GAD2: variants seen among roughly 807,000 people sequenced by gnomAD.
GAD2 encodes glutamate decarboxylase 2.
A neutral mutation model predicts 80.1 loss-of-function variants in GAD2; 22 were observed. The observed-to-expected ratio is 0.27, with a 90% CI of 0.20 to 0.39. The LOEUF (loss-of-function observed/expected upper bound fraction) is 0.39, where lower values mean the gene tolerates loss of function less well. Ranked by LOEUF, GAD2 falls within the 10% of genes least tolerant of loss-of-function variation. The pLI is 1.00. For synonymous variants in GAD2, 274 were observed against 256.9 expected (o/e 1.07, Z -0.64); for missense variants, 624 against 738.4 (o/e 0.85, Z 1.80).
In GAD2 at chr10:26,241,043, A is replaced by G. The variant is rs1018117048; in HGVS notation, c.841-4878A>G. On this transcript the variant is annotated intron_variant, in intron 7 of 15. Transcript: ENST00000376261. ...GGCGACAGAGTGAGACTCCGTCTCAAAAAAGAAAAAAAAAAGAGAGAGTGA... is the reference window on the plus strand; with the variant it reads ...GGCGACAGAGTGAGACTCCGTCTCAGAAAAGAAAAAAAAAAGAGAGAGTGA... Among the ~76,000 whole-genome samples, 10 of 152,258 alleles carry G rather than the reference A, an allele frequency of 6.6e-5. No homozygotes were observed. In the South Asian group the frequency reaches 2.1e-3, roughly 32 times the overall value.
chr10:26,280,415 C>T (rs971627941), intron 11 of GAD2, among the ~76,000 whole-genome samples: 3 of 152,110 alleles, frequency 2.0e-5, no homozygotes, highest in African/African-American at 7.2e-5. Context: ...GTAAGATGAA[C>T]ACTGGTTTGG....
In GAD2 at chr10:26,217,841, G is replaced by T; in HGVS notation, c.137-1G>T. The stretch of plus-strand genomic sequence containing the variant: ...GGCCCGCGTTCGGTGTCCTTACCCA[G>T]CCCTGCTCTACGGAGACGCCGAGAA... On this transcript the variant is annotated splice_acceptor_variant, in intron 2 of 15. Coordinates refer to ENST00000376261, the MANE Select transcript of GAD2 (RefSeq NM_001134366.2). LOFTEE classifies it high-confidence loss of function. The surrounding 1 kb of genome is among the most constrained non-coding windows in gnomAD (Gnocchi z 4.9). The T allele has an allele frequency of 6.2e-7, 1 of 1,603,112 alleles. No individual in the cohort carries two copies. Among genetic ancestry groups the T allele is most frequent in the Non-Finnish European group, 8.5e-7 (1 of 1,174,796 alleles).
chr10:26,232,288 G>A (rs1472037018), intron 7 of GAD2, among the ~76,000 whole-genome samples: 1 of 152,060 alleles, frequency 6.6e-6, no homozygotes, highest in Non-Finnish European at 1.5e-5. Context: ...AAGTTAAAAT[G>A]AGTTTGGTCC....
chr10:26,263,989 C>T (rs1223023229), intron 8 of GAD2, among the ~76,000 whole-genome samples: 1 of 152,142 alleles, frequency 6.6e-6, no homozygotes, highest in East Asian at 1.9e-4. Context: ...TATCAGACAG[C>T]TCTAGATTTG....
rs934377409 is a variant in GAD2, at chr10:26,280,911, A to G, written c.1158-98A>G. On this transcript the variant is annotated intron_variant, in intron 11 of 15. Coordinates refer to ENST00000376261, the MANE Select transcript of GAD2 (RefSeq NM_001134366.2). ...ATAAATACATTTAGTGTCAATCTGG[A>G]GTCTGAGAAACAATACCAAGAAACT... 2.9e-5 allele frequency: 21 copies of G among 730,384 alleles called. 2 individuals are homozygous for G. In the South Asian group the frequency reaches 3.3e-4, roughly 12 times the overall value. The allele number at this position is 730,384 out of a possible 1,614,324, so 45.2% of individuals were successfully genotyped here. A position where few individuals can be genotyped will look rare whatever the true frequency, so the allele number is the denominator to read the frequency against.
chr10:26,263,533 TC>T (rs1204965870), intron 8 of GAD2, among the ~76,000 whole-genome samples: 9 of 152,230 alleles, frequency 5.9e-5, no homozygotes, highest in Non-Finnish European at 1.3e-4. Context: ...TTTTTACTGC[TC>T]CTGTGCAATT....
At chr10:26,278,536 A>G (rs1262350439) in intron 11 of GAD2, among the ~76,000 whole-genome samples, 7 of 152,148 alleles carry the variant, frequency 4.6e-5, no homozygotes, top group Non-Finnish European at 1.0e-4. Flanking sequence ...AACCCATACT[A>G]TCTGGCTCCT....
chr10:26,222,580 T>C (rs1199405762), intron 4 of GAD2, among the ~76,000 whole-genome samples: 2 of 151,934 alleles, frequency 1.3e-5, no homozygotes, highest in Non-Finnish European at 2.9e-5. Flanking sequence ...ATGGGTAAAC[T>C]GAGGGGGTCA....
intron 12 of GAD2, among the ~76,000 whole-genome samples, chr10:26,286,012 A>G (rs929777799): frequency 1.3e-5 from 2 of 152,228 alleles, no homozygotes; most frequent in Non-Finnish European, 2.9e-5. Context: ...GGGAACATTT[A>G]AATATAAATA....
intron 7 of GAD2, among the ~76,000 whole-genome samples, chr10:26,232,195 A>G (rs1169239805): frequency 6.6e-6 from 1 of 152,142 alleles, no homozygotes; most frequent in Non-Finnish European, 1.5e-5. Context: ...AAATAGTTAC[A>G]TGTTATTACA....
In GAD2 at chr10:26,302,089, G is replaced by A. The variant is rs1372840741; in HGVS notation, c.*1128G>A. The A allele has an allele frequency of 1.3e-5, 2 of 152,088 alleles. No homozygotes were observed. Among genetic ancestry groups the A allele is most frequent in the Non-Finnish European group, 2.9e-5 (2 of 68,024 alleles). 9.4% of individuals were successfully genotyped at this position (152,088 alleles called of 1,614,324 possible). The stretch of plus-strand genomic sequence containing the variant: ...TGGCCTTGGGAGAAGAGATCTCTGT[G>A]GGACAATAATGACATCATCCTGGCG... On this transcript the variant is annotated 3_prime_UTR_variant, in exon 16 of 16. Coordinates refer to ENST00000376261, the MANE Select transcript of GAD2 (RefSeq NM_001134366.2).
chr10:26,266,442 G>C (rs374932939), intron 8 of GAD2, among the ~76,000 whole-genome samples: 5 of 152,320 alleles, frequency 3.3e-5, no homozygotes, highest in East Asian at 1.9e-4. Context: ...CCCCCAAGGC[G>C]TCCATATTCA....
chr10:26,243,580 G>A (rs1159147688), intron 7 of GAD2, among the ~76,000 whole-genome samples: 1 of 152,212 alleles, frequency 6.6e-6, no homozygotes, highest in Non-Finnish European at 1.5e-5. Context: ...TACAACCATT[G>A]AGACACACAG....
chr10:26,264,312 C>CTTTTTTTTT (rs373732623), intron 8 of GAD2, among the ~76,000 whole-genome samples: 1 of 129,776 alleles, frequency 7.7e-6, no homozygotes, highest in Non-Finnish European at 1.6e-5. Flanking sequence ...AGATTTCAAG[C>CTTTTTTTTT]TTTTTTTTTT....
At chr10:26,293,716 G>A (rs1834244120) in intron 15 of GAD2, among the ~76,000 whole-genome samples, 3 of 152,190 alleles carry the variant, frequency 2.0e-5, no homozygotes. Context: ...CCAAGGTCAA[G>A]GCTACCCTGG....
intron 7 of GAD2, among the ~76,000 whole-genome samples, chr10:26,243,042 A>ACCC (rs8190665): frequency 3.0e-5 from 4 of 133,786 alleles, no homozygotes; most frequent in African/African-American, 1.1e-4. Context: ...TGCACAAAAA[A>ACCC]CCCCCCCCCT....
chr10:26,228,945 T>C (rs1032746362), intron 6 of GAD2, among the ~76,000 whole-genome samples: 6 of 152,116 alleles, frequency 3.9e-5, no homozygotes, highest in African/African-American at 1.4e-4. Context: ...ATCCTAGCAC[T>C]TTGGGAGGCC....
chr10:26,277,188 C>T (rs139684907), intron 11 of GAD2, among the ~76,000 whole-genome samples: 18 of 152,302 alleles, frequency 1.2e-4, no homozygotes, highest in African/African-American at 3.6e-4. Context: ...GGCATTCAGG[C>T]TGAAGAGACA....
Position 26,219,062 on chromosome 10 carries a change from T to C in GAD2, c.306T>C (p.Asp102=). ...LHATDLLPAC[D]GERPTLAFLQ... ...CTTTAGACCTGCTGCCGGCGTGTGATGGAGAAAGGCCCACTTTGGCGTTTC... is the reference window on the plus strand; with the variant it reads ...CTTTAGACCTGCTGCCGGCGTGTGACGGAGAAAGGCCCACTTTGGCGTTTC... Residue 102 remains aspartate (D), a synonymous_variant, in exon 4 of 16, where the codon GAT becomes GAC. Transcript: ENST00000376261. The C allele has an allele frequency of 6.3e-7, 1 of 1,585,834 alleles. No individual in the cohort carries two copies. Among genetic ancestry groups the C allele is most frequent in the East Asian group, 2.3e-5 (1 of 44,156 alleles).
Sources: allele counts gnomAD v4.1 joint callset (sites outside exome capture counted in the v4.1 genomes callset), GRCh38; gene constraint gnomAD v4.1.1; non-coding constraint Gnocchi (gnomAD v3.1); transcripts MANE v1.5; gene names NCBI Gene and HGNC (gene_info 2026-07-23, HGNC 2026-07-21).